Variants in CSMD1 observed in about 807,000 individuals in gnomAD.
CSMD1 encodes CUB and sushi domain-containing protein 1.
Under a neutral mutation model 417.5 loss-of-function variants are expected in CSMD1, and 213 were observed. That is an observed-to-expected ratio of 0.51 (90% CI 0.46 to 0.57). CSMD1 has a LOEUF of 0.57. CSMD1 is among the 20% of genes least tolerant of loss of function. CSMD1 has a pLI of 0.00. For synonymous variants in CSMD1, 2,862 were observed against 1,736.8 expected (o/e 1.65, Z -16.11); for missense variants, 6,923 against 4,529.7 (o/e 1.53, Z -15.17).
At chr8:3,105,065 G>T (rs909555109) in intron 46 of CSMD1, among the ~76,000 whole-genome samples, 1 of 152,226 alleles carries the variant, frequency 6.6e-6, no homozygotes, top group African/African-American at 2.4e-5. Context: ...AAACCACTGC[G>T]AAGTCGATAC....
intron 1 of CSMD1, among the ~76,000 whole-genome samples, chr8:4,698,831 G>A (rs553555105): frequency 2.0e-4 from 30 of 150,834 alleles, no homozygotes; most frequent in Non-Finnish European, 3.2e-4. Flanking sequence ...TTTCAACCAG[G>A]AAAATCCTAA....
intron 23 of CSMD1, among the ~76,000 whole-genome samples, chr8:3,330,786 C>G (rs1480516108): frequency 6.6e-6 from 1 of 152,154 alleles, no homozygotes. Context: ...AAAGCAAATA[C>G]TTTATTTTGA....
At chr8:4,354,701 AT>A (rs762907400) in intron 3 of CSMD1, among the ~76,000 whole-genome samples, 5 of 152,142 alleles carry the variant, frequency 3.3e-5, no homozygotes, top group South Asian at 4.1e-4. Context: ...GTCACCGTGT[AT>A]ATTTTTGAAA....
rs187956542 is a variant in CSMD1, at chr8:3,691,855, T to C, written c.1009+16559A>G. On this transcript the variant is annotated intron_variant, in intron 7 of 69. Coordinates refer to ENST00000635120, the MANE Select transcript of CSMD1 (RefSeq NM_033225.6). ...TGAAAGAGAGTCTGTAACTTGAATA[T>C]TTTCAGGCAGAATTTGAATCTATGA... 2.1e-4 allele frequency among the ~76,000 whole-genome samples: 32 copies of C among 152,312 alleles called. No individual in the cohort carries two copies. The East Asian group carries it at 5.8e-3, about 28-fold the overall frequency.
At chr8:3,635,424 C>T (rs1019786723) in intron 7 of CSMD1, among the ~76,000 whole-genome samples, 1 of 151,208 alleles carries the variant, frequency 6.6e-6, no homozygotes, top group South Asian at 2.1e-4. Flanking sequence ...ATGGAGCTTG[C>T]AGTGAGCCGA....
chr8:4,080,761 A>G (rs1800087369), intron 3 of CSMD1, among the ~76,000 whole-genome samples: 1 of 152,200 alleles, frequency 6.6e-6, no homozygotes, highest in East Asian at 1.9e-4. Flanking sequence ...TATAAGGTGA[A>G]TAAGACTGGG....
chr8:4,710,523 G>T lies in CSMD1; in HGVS notation c.86-72965C>A, dbSNP rs968150410. On this transcript the variant is annotated intron_variant, in intron 1 of 69. Transcript: ENST00000635120. The stretch of plus-strand genomic sequence containing the variant: ...CAAATTACATTGAGTAAGTGTGCCA[G>T]GAGAAGATGGTGGGGGTGGTTATTT... Among the ~76,000 whole-genome samples, 21 of 149,526 alleles carry T rather than the reference G, an allele frequency of 1.4e-4. No homozygotes were observed. In the East Asian group the frequency reaches 1.8e-3, roughly 13 times the overall value.
intron 10 of CSMD1, among the ~76,000 whole-genome samples, chr8:3,574,559 T>C (rs1800068871): frequency 6.6e-6 from 1 of 152,190 alleles, no homozygotes; most frequent in East Asian, 1.9e-4. Flanking sequence ...AAGACAGTAT[T>C]TTTGTGTCTG....
chr8:3,254,544 T>G (rs1016133054), intron 26 of CSMD1, among the ~76,000 whole-genome samples: 1 of 152,222 alleles, frequency 6.6e-6, no homozygotes, highest in Non-Finnish European at 1.5e-5. Context: ...TTTCACATAG[T>G]CCCATATTTC....
chr8:4,213,652 G>C lies in CSMD1; in HGVS notation c.416-181553C>G, dbSNP rs1370716277. ...TAAAATGCAGAGTAGGGTGATTGTTGCTCAGCAACTGAGATGAAAGCAGCC... is the reference window on the plus strand; with the variant it reads ...TAAAATGCAGAGTAGGGTGATTGTTCCTCAGCAACTGAGATGAAAGCAGCC... On this transcript the variant is annotated intron_variant, in intron 3 of 69. Transcript: ENST00000635120. Among the ~76,000 whole-genome samples the C allele has an allele frequency of 2.0e-5, 3 of 152,232 alleles. No homozygotes were observed. In the East Asian group the frequency reaches 5.8e-4, roughly 29 times the overall value.
At chr8:4,141,607 C>T (rs927535443) in intron 3 of CSMD1, among the ~76,000 whole-genome samples, 2 of 150,826 alleles carry the variant, frequency 1.3e-5, no homozygotes, top group East Asian at 1.9e-4. Context: ...GGAGTTGTAA[C>T]GATTCCTCCA....
chr8:4,965,987 C>G (rs1473948491), intron 1 of CSMD1, among the ~76,000 whole-genome samples: 3 of 152,042 alleles, frequency 2.0e-5, no homozygotes, highest in Admixed American at 6.6e-5. Context: ...ATCCTCATAT[C>G]CAGAATGCAA....
At chr8:4,040,737 T>C (rs1374645555) in intron 3 of CSMD1, among the ~76,000 whole-genome samples, 3 of 151,714 alleles carry the variant, frequency 2.0e-5, no homozygotes, top group Non-Finnish European at 4.4e-5. Flanking sequence ...TGCAGCAAAG[T>C]CAAAAACAAG....
intron 12 of CSMD1, among the ~76,000 whole-genome samples, chr8:3,454,389 G>T (rs1170717946): frequency 1.3e-5 from 2 of 152,100 alleles, no homozygotes; most frequent in African/African-American, 2.4e-5. Context: ...TGTTAGTTGA[G>T]GCAGTTTCTT....
At chr8:3,504,179 T>C (rs945831124) in intron 10 of CSMD1, among the ~76,000 whole-genome samples, 6 of 152,154 alleles carry the variant, frequency 3.9e-5, no homozygotes, top group African/African-American at 1.2e-4. Context: ...ACACACTGTA[T>C]ACCAGTATTG....
intron 51 of CSMD1, 123 bp downstream of exon 51, chr8:3,029,196 G>A: frequency 1.5e-6 from 1 of 664,296 alleles, no homozygotes; most frequent in Non-Finnish European, 2.3e-6. Flanking sequence ...CAGGCCATTT[G>A]TTCTTTTGAT....
chr8:3,627,413 C>G (rs184511956), intron 7 of CSMD1, among the ~76,000 whole-genome samples: 2 of 152,122 alleles, frequency 1.3e-5, no homozygotes, highest in East Asian at 3.8e-4. Flanking sequence ...CATATCACCT[C>G]GAGTCCTGAA....
intron 2 of CSMD1, among the ~76,000 whole-genome samples, chr8:4,435,381 C>A (rs200479829): frequency 4.6e-5 from 7 of 152,162 alleles, no homozygotes; most frequent in African/African-American, 1.7e-4. Context: ...ACTCAGAGTT[C>A]CTGCAGTGTG....
chr8:4,605,001 C>A (rs1270837476), intron 2 of CSMD1, among the ~76,000 whole-genome samples: 1 of 152,222 alleles, frequency 6.6e-6, no homozygotes, highest in Middle Eastern at 3.4e-3. Context: ...GTGGTGCTGT[C>A]CAGAACATTA....
Sources: gnomAD v4.1 joint callset for allele counts (sites outside exome capture counted in the v4.1 genomes callset) on GRCh38, gnomAD v4.1.1 for gene constraint, MANE v1.5 for transcripts, NCBI Gene and HGNC (gene_info 2026-07-23, HGNC 2026-07-21) for gene names.